TOR1B: variants seen among roughly 807,000 people sequenced by gnomAD.
TOR1B encodes the protein torsin family 1 member B.
A neutral mutation model predicts 29.2 loss-of-function variants in TOR1B; 14 were observed. The ratio of observed to expected loss-of-function variants is 0.48; its 90% CI spans 0.32 to 0.75. The LOEUF is 0.75. TOR1B is among the 30% of genes least tolerant of loss of function. The pLI is 0.04. For missense variants in TOR1B, 400 were observed against 433.9 expected (o/e 0.92, Z 0.69); for synonymous variants, 166 against 179.8 (o/e 0.92, Z 0.62).
Position 129,809,724 on chromosome 9 carries a change from AAG to A in TOR1B, c.*144_*145del. On this transcript the variant is annotated 3_prime_UTR_variant, in exon 5 of 5. Transcript: ENST00000259339. The stretch of plus-strand genomic sequence containing the variant: ...TTGGGTATAGAATCTTTTTTTTGAG[AAG>A]AGGTCTCACTCCGTCATCCAAGCTG... 1 of 1,451,374 alleles carries A rather than the reference AAG, an allele frequency of 6.9e-7. No individual in the cohort carries two copies. The highest frequency in any genetic ancestry group is 9.0e-7 in the Non-Finnish European group (1 of 1,109,736). 89.9% of individuals were successfully genotyped at this position (1,451,374 alleles called of 1,614,324 possible).
In TOR1B at chr9:129,807,253, C is replaced by T. The variant is rs16936946; in HGVS notation, c.531C>T (p.Asp177=). The change falls in exon 3 of 5, where the codon GAC becomes GAT. Residue 177 remains aspartate, a synonymous_variant. Coordinates refer to ENST00000259339, the MANE Select transcript of TOR1B (RefSeq NM_014506.3). ...SACANSVFIF[D]EMDKLHPGII... Reference sequence around the variant, plus strand: ...GTGCGAACTCTGTTTTCATATTTGACGAGATGGATAAATTGCACCCCGGGA... The same window carrying T: ...GTGCGAACTCTGTTTTCATATTTGATGAGATGGATAAATTGCACCCCGGGA... The T allele has an allele frequency of 0.016, 26,616 of 1,614,090 alleles. 286 individuals are homozygous for T. Among genetic ancestry groups the T allele is most frequent in the Non-Finnish European group, 0.02 (24,045 of 1,180,014 alleles).
chr9:129,803,405 G>C lies in TOR1B; in HGVS notation c.193G>C (p.Ala65Pro). The change falls in exon 1 of 5, where the codon GCT becomes CCT. Residue 65 changes from alanine to proline, a missense_variant. Transcript: ENST00000259339. The part of the protein sequence containing the change: ...ECCREERPLN[A>P]SALKLDLEEK... ...CTGCCGCGAGGAGCGGCCGCTCAAC[G>C]CTTCGGGTACGGCGCGCGCGCGAGC... 2 of 1,540,338 alleles carry C rather than the reference G, an allele frequency of 1.3e-6. No individual in the cohort carries two copies. Among genetic ancestry groups the C allele is most frequent in the Non-Finnish European group, 1.7e-6 (2 of 1,147,534 alleles).
rs199793183 is a variant in TOR1B, at chr9:129,809,479, A to T, written c.907A>T (p.Ile303Phe). The change falls in exon 5 of 5, where the codon ATT becomes TTT. Residue 303 changes from isoleucine (I) to phenylalanine (F), a missense_variant. Transcript: ENST00000259339. Reference protein sequence around the residue: ...RARGSAIDEDIVTRVAEEMTF... With the variant: ...RARGSAIDEDFVTRVAEEMTF... ...CCGTGGTTCTGCCATAGATGAAGACATTGTCACAAGAGTGGCAGAGGAAAT... is the reference window on the plus strand; with the variant it reads ...CCGTGGTTCTGCCATAGATGAAGACTTTGTCACAAGAGTGGCAGAGGAAAT... The T allele has an allele frequency of 1.2e-6, 2 of 1,614,198 alleles. No homozygotes were observed. The highest frequency in any genetic ancestry group is 3.3e-5 in the Admixed American group (2 of 60,022).
chr9:129,810,578 G>A lies in TOR1B; in HGVS notation c.*995G>A, dbSNP rs1345539681. On this transcript the variant is annotated 3_prime_UTR_variant, in exon 5 of 5. Coordinates refer to ENST00000259339, the MANE Select transcript of TOR1B (RefSeq NM_014506.3). ...GAATCACAATGAGACCGTTGGCTTT[G>A]AATTTGAGTCGTTGGTTCCCATGGT... 2.5e-6 allele frequency: 1 copy of A among 393,846 alleles called. No individual in the cohort carries two copies. The highest frequency in any genetic ancestry group is 1.0e-4 in the East Asian group (1 of 9,688). The allele number at this position is 393,846 out of a possible 1,614,324, so 24.4% of individuals were successfully genotyped here.
chr9:129,804,448 G>A (rs1198765465), intron 2 of TOR1B, 110 bp downstream of exon 2: 8 of 1,406,774 alleles, frequency 5.7e-6, no homozygotes, highest in African/African-American at 2.9e-5. Flanking sequence ...TGTAGCCCCC[G>A]GCTCCACTGA....
chr9:129,810,294 G>A lies in TOR1B; in HGVS notation c.*711G>A. 2 of 1,303,172 alleles carry A rather than the reference G, an allele frequency of 1.5e-6. No homozygotes were observed. Among genetic ancestry groups the A allele is most frequent in the Non-Finnish European group, 2.0e-6 (2 of 988,776 alleles). The allele number at this position is 1,303,172 out of a possible 1,614,324, so 80.7% of individuals were successfully genotyped here. A position where few individuals can be genotyped will look rare whatever the true frequency, so the allele number is the denominator to read the frequency against. Reference sequence around the variant, plus strand: ...AGGTGCAGACGGTGTCTGACCGGAGGATGTGGCCGTGCCCGCCGAGCACTC... The same window carrying A: ...AGGTGCAGACGGTGTCTGACCGGAGAATGTGGCCGTGCCCGCCGAGCACTC... On this transcript the variant is annotated 3_prime_UTR_variant, in exon 5 of 5. Coordinates refer to ENST00000259339, the MANE Select transcript of TOR1B (RefSeq NM_014506.3).
intron 1 of TOR1B, 50 bp downstream of exon 1, chr9:129,803,461 C>T: frequency 8.0e-7 from 1 of 1,244,224 alleles, no homozygotes; most frequent in Non-Finnish European, 1.0e-6. Flanking sequence ...GGCGCGGGGG[C>T]GCGGGGGCGC....
rs1447364001 is a variant in TOR1B at position 129,810,441 on chromosome 9, C to T, written c.*858C>T. 8.5e-7 allele frequency: 1 copy of T among 1,177,540 alleles called. No individual in the cohort carries two copies. Among genetic ancestry groups the T allele is most frequent in the Non-Finnish European group, 1.1e-6 (1 of 927,840 alleles). 72.9% of individuals were successfully genotyped at this position (1,177,540 alleles called of 1,614,324 possible). A position where few individuals can be genotyped will look rare whatever the true frequency, so the allele number is the denominator to read the frequency against. ...TCCATCGCTCTAGCTGCTAATACAG[C>T]CCTGGCTGTGGAATCCTTCACCGTC... On this transcript the variant is annotated 3_prime_UTR_variant, in exon 5 of 5. Coordinates refer to ENST00000259339, the MANE Select transcript of TOR1B (RefSeq NM_014506.3).
At chr9:129,803,447 GGGGGGCGC>G (rs151251684) in intron 1 of TOR1B, 36 bp downstream of exon 1, 62,654 of 1,319,364 alleles carry the variant, frequency 0.047, 3,313 homozygotes, top group African/African-American at 0.21. Context: ...TCGGCGCTGC[GGGGGGCGC>G]GGGGGCGCGG....
At chr9:129,803,937 G>T in intron 1 of TOR1B, 136 bp from the exon 2 acceptor site, 2 of 1,126,070 alleles carry the variant, frequency 1.8e-6, no homozygotes, top group Non-Finnish European at 2.5e-6. Context: ...GACTGCCTCG[G>T]CCCTAGGGTG....
chr9:129,803,294 A>G lies in TOR1B; in HGVS notation c.82A>G (p.Ile28Val). ...AARVVAAFEP[I>V]TVGLAIGAAS... ...CCGAGTGGTGGCGGCGTTCGAGCCCATCACCGTGGGCCTAGCCATCGGGGC... is the reference window on the plus strand; with the variant it reads ...CCGAGTGGTGGCGGCGTTCGAGCCCGTCACCGTGGGCCTAGCCATCGGGGC... Residue 28 changes from isoleucine to valine, a missense_variant, in exon 1 of 5, where the codon ATC becomes GTC. Coordinates refer to ENST00000259339, the MANE Select transcript of TOR1B (RefSeq NM_014506.3). The G allele has an allele frequency of 6.3e-7, 1 of 1,581,564 alleles. No individual in the cohort carries two copies. Among genetic ancestry groups the G allele is most frequent in the Non-Finnish European group, 8.6e-7 (1 of 1,168,164 alleles).
Position 129,810,141 on chromosome 9 carries a change from C to G in TOR1B, c.*558C>G, listed in dbSNP as rs2030760940. The G allele has an allele frequency of 2.3e-6, 3 of 1,302,162 alleles. No homozygotes were observed. Among genetic ancestry groups the G allele is most frequent in the Non-Finnish European group, 3.0e-6 (3 of 987,336 alleles). 80.7% of individuals were successfully genotyped at this position (1,302,162 alleles called of 1,614,324 possible). A position where few individuals can be genotyped will look rare whatever the true frequency, so the allele number is the denominator to read the frequency against. On this transcript the variant is annotated 3_prime_UTR_variant, in exon 5 of 5. Transcript: ENST00000259339. ...GGGACTTGCTGCAGGCTGGGGGGCA[C>G]TGGGTGGTTCTCACCAGCAGGCTGC...
intron 4 of TOR1B, 41 bp downstream of exon 4, chr9:129,809,073 A>T: frequency 3.8e-6 from 6 of 1,567,044 alleles, no homozygotes; most frequent in Non-Finnish European, 5.2e-6. Context: ...ACTGTCCAGC[A>T]GTGAGCCGTC....
chr9:129,807,164 TTTC>T lies in TOR1B; in HGVS notation c.466-18_466-16del, dbSNP rs766040294. 1.6e-4 allele frequency: 250 copies of T among 1,610,820 alleles called. 1 individual carries two copies. In the East Asian group the frequency reaches 5.6e-3, roughly 36 times the overall value. On this transcript the variant is annotated intron_variant, in intron 2 of 4. Coordinates refer to ENST00000259339, the MANE Select transcript of TOR1B (RefSeq NM_014506.3). Reference sequence around the variant, plus strand: ...TGCACCCTTTGAGCTTCGCATCCTGTTTCTTCTTTCATGGTTGGTCCAGGACCA... The same window carrying T: ...TGCACCCTTTGAGCTTCGCATCCTGTTTCTTTCATGGTTGGTCCAGGACCA...
At chr9:129,806,535 G>A (rs2130989359) in intron 2 of TOR1B, among the ~76,000 whole-genome samples, 1 of 152,316 alleles carries the variant, frequency 6.6e-6, no homozygotes, top group South Asian at 2.1e-4. Flanking sequence ...GTACTAACTT[G>A]AGATTGTAGT....
chr9:129,810,224 CAG>C lies in TOR1B; in HGVS notation c.*644_*645del. On this transcript the variant is annotated 3_prime_UTR_variant, in exon 5 of 5. Coordinates refer to ENST00000259339, the MANE Select transcript of TOR1B (RefSeq NM_014506.3). Reference sequence around the variant, plus strand: ...CTTTTGCTCTGTCTCGTTCTTTACACAGAGTTCACTGACTTGAAGTATACTCA... The same window carrying C: ...CTTTTGCTCTGTCTCGTTCTTTACACAGTTCACTGACTTGAAGTATACTCA... 1.5e-6 allele frequency: 2 copies of C among 1,304,226 alleles called. No individual in the cohort carries two copies. Among genetic ancestry groups the C allele is most frequent in the Non-Finnish European group, 2.0e-6 (2 of 988,952 alleles). 80.8% of individuals were successfully genotyped at this position (1,304,226 alleles called of 1,614,324 possible). A position where few individuals can be genotyped will look rare whatever the true frequency, so the allele number is the denominator to read the frequency against.
intron 3 of TOR1B, 146 bp downstream of exon 3, chr9:129,807,509 T>C (rs1486041361): frequency 1.0e-6 from 1 of 973,174 alleles, no homozygotes; most frequent in Non-Finnish European, 1.5e-6. Context: ...TACTTTTCCT[T>C]TGCCAGTCTC....
At chr9:129,805,766 A>G (rs992410426) in intron 2 of TOR1B, among the ~76,000 whole-genome samples, 3 of 152,220 alleles carry the variant, frequency 2.0e-5, no homozygotes, top group African/African-American at 4.8e-5. Flanking sequence ...CCCATCCTTC[A>G]TGTCCTTGGC....
rs749033850 is a variant in TOR1B, at chr9:129,803,236, G to C, written c.24G>C (p.Arg8=). Residue 8 remains arginine (R), a synonymous_variant, in exon 1 of 5, where the codon CGG becomes CGC. Transcript: ENST00000259339. ...GGATGTTGCGGGCTGGGTGGCTCCG[G>C]GGCGCGGCGGCGCTGGCGCTGCTGC... MLRAGWL[R]GAAALALLLA... The C allele has an allele frequency of 5.8e-6, 9 of 1,539,234 alleles. No homozygotes were observed. The South Asian group carries it at 1.1e-4, about 19-fold the overall frequency.
Sources: gnomAD v4.1 joint callset for allele counts (sites outside exome capture counted in the v4.1 genomes callset) on GRCh38, gnomAD v4.1.1 for gene constraint, MANE v1.5 for transcripts, NCBI Gene and HGNC (gene_info 2026-07-23, HGNC 2026-07-21) for gene names.